ZNF100: variants seen among roughly 807,000 people sequenced by gnomAD.
ZNF100 encodes the protein zinc finger protein 100.
A neutral mutation model predicts 15.8 loss-of-function variants in ZNF100; 12 were observed. The observed-to-expected ratio is 0.76, with a 90% CI of 0.49 to 1.23. The LOEUF is 1.23. ZNF100 is among the 50% of genes most tolerant of loss of function. The pLI, the probability that ZNF100 is intolerant of heterozygous loss-of-function variation, is 0.00. For missense variants in ZNF100, 670 were observed against 635.6 expected (o/e 1.05, Z -0.58); for synonymous variants, 226 against 214.8 (o/e 1.05, Z -0.45).
intron 2 of ZNF100, among the ~76,000 whole-genome samples, chr19:21,762,387 G>T (rs2036496216): frequency 6.6e-6 from 1 of 152,188 alleles, no homozygotes; most frequent in Admixed American, 6.5e-5. Flanking sequence ...TTCCTTGGAA[G>T]AATTTTGCTT....
At chr19:21,750,248 T>C (rs1279248678) in intron 2 of ZNF100, among the ~76,000 whole-genome samples, 1 of 152,148 alleles carries the variant, frequency 6.6e-6, no homozygotes, top group African/African-American at 2.4e-5. Flanking sequence ...CAGACAAATT[T>C]ACAGATTAAT....
At chr19:21,738,929 A>G (rs2036059351) in intron 4 of ZNF100, among the ~76,000 whole-genome samples, 1 of 152,162 alleles carries the variant, frequency 6.6e-6, no homozygotes, top group African/African-American at 2.4e-5. Flanking sequence ...TAGACTACAG[A>G]GTGAAACTCC....
chr19:21,756,060 T>A (rs2036388930), intron 2 of ZNF100, among the ~76,000 whole-genome samples: 1 of 152,084 alleles, frequency 6.6e-6, no homozygotes, highest in South Asian at 2.1e-4. Flanking sequence ...TTAGAAGAAA[T>A]TTTTTAAAAG....
chr19:21,747,360 T>A (rs1371308167), intron 2 of ZNF100, among the ~76,000 whole-genome samples: 1 of 152,184 alleles, frequency 6.6e-6, no homozygotes, highest in Non-Finnish European at 1.5e-5. Context: ...ACAAGAGATT[T>A]TTGCCAACTG....
chr19:21,761,445 C>T (rs142751917), intron 2 of ZNF100, among the ~76,000 whole-genome samples: 1 of 152,282 alleles, frequency 6.6e-6, no homozygotes, highest in African/African-American at 2.4e-5. Flanking sequence ...ATGAACTAAA[C>T]TTGACTTGTA....
rs776803109 is a variant in ZNF100 at position 21,727,814 on chromosome 19, GTTTAA to G, written c.493_497del (p.Leu165ProfsTer14). The G allele has an allele frequency of 1.2e-5, 20 of 1,613,154 alleles. No homozygotes were observed. In the African/African-American group the frequency reaches 2.4e-4, roughly 19 times the overall value. On this transcript the variant is annotated frameshift_variant, in exon 5 of 5. Transcript: ENST00000358296. LOFTEE classifies it low-confidence loss of function (END_TRUNC). ...TGCTCTGGGTAGTTATCAAACACTG[GTTTAA>G]TTTGTTATCATGTTCTTTGTGCACT... is the stretch of plus-strand genomic sequence containing the variant.
At position 21,726,017 on chromosome 19, in the gene ZNF100, A is replaced by G. The variant is rs2035776529; in HGVS notation, c.*666T>C. On this transcript the variant is annotated 3_prime_UTR_variant, in exon 5 of 5. Transcript: ENST00000358296. The stretch of plus-strand genomic sequence containing the variant: ...ATTCGCACAGTTTTTTTCAATATAA[A>G]TTCCCTGATATTGAACAAAGTTTGA... 6.6e-6 allele frequency: 1 copy of G among 152,104 alleles called. No individual in the cohort carries two copies. The highest frequency in any genetic ancestry group is 1.9e-4 in the East Asian group (1 of 5,190). The allele number at this position is 152,104 out of a possible 1,614,324, so 9.4% of individuals were successfully genotyped here.
Position 21,741,381 on chromosome 19 carries a change from A to T in ZNF100, c.322+2636T>A, listed in dbSNP as rs542244327. ...TGGCTAAAATGCAATTATTATTATT[A>T]TTATTTTTTTTGAGACGGTGTTTTG... On this transcript the variant is annotated intron_variant, in intron 4 of 4. Coordinates refer to ENST00000358296, the MANE Select transcript of ZNF100 (RefSeq NM_173531.4). 2.2e-4 allele frequency among the ~76,000 whole-genome samples: 34 copies of T among 151,510 alleles called. No homozygotes were observed. In the East Asian group the frequency reaches 2.3e-3, roughly 10 times the overall value.
rs1156758849 is a variant in ZNF100 at position 21,723,577 on chromosome 19, A to G, written c.*3106T>C. ...ATAAAAGATGCAGAACTTCTCTTTA[A>G]ATTCAGCAAGATTCAGCATTGCAGC... On this transcript the variant is annotated 3_prime_UTR_variant, in exon 5 of 5. Coordinates refer to ENST00000358296, the MANE Select transcript of ZNF100 (RefSeq NM_173531.4). 1 of 152,166 alleles carries G rather than the reference A, an allele frequency of 6.6e-6. No individual in the cohort carries two copies. The highest frequency in any genetic ancestry group is 1.5e-5 in the Non-Finnish European group (1 of 68,036). The allele number at this position is 152,166 out of a possible 1,614,324, so 9.4% of individuals were successfully genotyped here. A position where few individuals can be genotyped will look rare whatever the true frequency, so the allele number is the denominator to read the frequency against.
chr19:21,756,994 C>G (rs192491751), intron 2 of ZNF100, among the ~76,000 whole-genome samples: 2 of 152,202 alleles, frequency 1.3e-5, no homozygotes, highest in African/African-American at 4.8e-5. Flanking sequence ...AAATAATTCC[C>G]TATTTAATAA....
At position 21,746,811 on chromosome 19, in the gene ZNF100, C is replaced by T. The variant is rs1011009653; in HGVS notation, c.97-1744G>A. On this transcript the variant is annotated intron_variant, in intron 2 of 4. Transcript: ENST00000358296. ...AGTGGACAAAGCTCTTGATGTGAGA[C>T]TTACTTAGCTGAAGAAAAAAAAACA... The T allele has an allele frequency of 4.6e-5, 7 of 151,350 alleles. No homozygotes were observed. In the South Asian group the frequency reaches 1.5e-3, roughly 32 times the overall value. The allele number at this position is 151,350 out of a possible 1,614,324, so 9.4% of individuals were successfully genotyped here.
intron 2 of ZNF100, among the ~76,000 whole-genome samples, chr19:21,763,256 C>T (rs1479327401): frequency 6.6e-6 from 1 of 151,594 alleles, no homozygotes; most frequent in East Asian, 1.9e-4. Flanking sequence ...GGATTGGGAC[C>T]CTTTTCGGTA....
At chr19:21,736,053 G>T (rs1287582124) in intron 4 of ZNF100, among the ~76,000 whole-genome samples, 1 of 152,094 alleles carries the variant, frequency 6.6e-6, no homozygotes, top group Non-Finnish European at 1.5e-5. Context: ...CTCCAAAAGT[G>T]CTGGCATTAC....
At chr19:21,757,419 AGAGT>A (rs756600135) in intron 2 of ZNF100, among the ~76,000 whole-genome samples, 7 of 152,228 alleles carry the variant, frequency 4.6e-5, no homozygotes, top group Non-Finnish European at 7.3e-5. Flanking sequence ...CCTTGGTCAC[AGAGT>A]GAGACCCTGT....
At position 21,724,795 on chromosome 19, in the gene ZNF100, T is replaced by C. The variant is rs1255161304; in HGVS notation, c.*1888A>G. ...GGCTGGGCACGGTGGCTCATGCCTG[T>C]AATCCCAGAACTTTGGGAAGCCGAG... On this transcript the variant is annotated 3_prime_UTR_variant, in exon 5 of 5. Transcript: ENST00000358296. 1 of 152,184 alleles carries C rather than the reference T, an allele frequency of 6.6e-6. No homozygotes were observed. Among genetic ancestry groups the C allele is most frequent in the East Asian group, 1.9e-4 (1 of 5,186 alleles). 9.4% of individuals were successfully genotyped at this position (152,184 alleles called of 1,614,324 possible). A position where few individuals can be genotyped will look rare whatever the true frequency, so the allele number is the denominator to read the frequency against.
At chr19:21,749,919 T>C (rs1360714676) in intron 2 of ZNF100, among the ~76,000 whole-genome samples, 1 of 152,216 alleles carries the variant, frequency 6.6e-6, no homozygotes, top group Non-Finnish European at 1.5e-5. Context: ...CCAGACCTTA[T>C]GTGCAGATTC....
intron 4 of ZNF100, among the ~76,000 whole-genome samples, chr19:21,743,589 G>A (rs559861401): frequency 4.6e-5 from 7 of 150,646 alleles, no homozygotes; most frequent in Admixed American, 1.3e-4. Flanking sequence ...ACAAAACAAC[G>A]GAACAGAAAA....
chr19:21,745,569 G>A (rs1405880586), intron 2 of ZNF100, among the ~76,000 whole-genome samples: 1 of 150,748 alleles, frequency 6.6e-6, no homozygotes, highest in African/African-American at 2.4e-5. Flanking sequence ...AGGCCGGACT[G>A]CGGACTGCAG....
intron 2 of ZNF100, among the ~76,000 whole-genome samples, chr19:21,756,805 A>C (rs545829798): frequency 4.1e-4 from 63 of 152,326 alleles, no homozygotes; most frequent in Middle Eastern, 6.8e-3. Context: ...AAAAGAACAA[A>C]GCTGGAGGTA....
Sources: gnomAD v4.1 joint callset for allele counts (sites outside exome capture counted in the v4.1 genomes callset) on GRCh38, gnomAD v4.1.1 for gene constraint, MANE v1.5 for transcripts, NCBI Gene and HGNC (gene_info 2026-07-23, HGNC 2026-07-21) for gene names.